The following LTN1 variants were observed in gnomAD, a reference collection of about 807,000 sequenced individuals.
LTN1 encodes listerin E3 ubiquitin protein ligase 1.
A neutral mutation model predicts 201.2 loss-of-function variants in LTN1; 88 were observed. The ratio of observed to expected loss-of-function variants is 0.44; its 90% CI spans 0.37 to 0.52. The LOEUF is 0.52. Ranked by LOEUF, LTN1 falls within the 20% of genes least tolerant of loss-of-function variation. LTN1 has a pLI of 0.00. For synonymous variants in LTN1, 645 were observed against 713.5 expected, an observed-to-expected ratio of 0.90 and a Z score of 1.53; for missense variants, 1,752 against 2,038.7, an observed-to-expected ratio of 0.86 and a Z score of 2.71.
intron 1 of LTN1, among the ~76,000 whole-genome samples, chr21:28,987,378 C>T (rs944109158): frequency 2.0e-5 from 3 of 152,104 alleles, no homozygotes; most frequent in Admixed American, 1.3e-4. Flanking sequence ...AAAATGAACT[C>T]ATAAATAGAA....
intron 6 of LTN1, 102 bp from the exon 7 acceptor site, chr21:28,971,546 G>A (rs2084575244): frequency 1.0e-6 from 1 of 1,000,220 alleles, no homozygotes; most frequent in African/African-American, 1.6e-5. Context: ...CTCCCACTAA[G>A]AAAACTAAAA....
intron 29 of LTN1, 89 bp downstream of exon 29, chr21:28,931,066 G>GGTGT (rs10608923): frequency 0.01 from 5,900 of 578,192 alleles, 91 homozygotes; most frequent in African/African-American, 0.067. Context: ...ACATTGTGTA[G>GGTGT]GTGTGTGTGT....
intron 18 of LTN1, among the ~76,000 whole-genome samples, chr21:28,950,710 C>T (rs1009515879): frequency 2.6e-5 from 4 of 152,186 alleles, no homozygotes; most frequent in East Asian, 3.9e-4. Context: ...AGAGATGTTT[C>T]GCCATGTTGC....
intron 18 of LTN1, 42 bp downstream of exon 18, chr21:28,952,118 T>C: frequency 2.4e-6 from 3 of 1,225,040 alleles, no homozygotes; most frequent in African/African-American, 1.5e-5. Context: ...AAGTGACCGA[T>C]TACAGTAAAC....
At chr21:28,948,065 A>G (rs141183276) in intron 18 of LTN1, among the ~76,000 whole-genome samples, 38,495 of 145,402 alleles carry the variant, frequency 0.26, 5,377 homozygotes, top group Middle Eastern at 0.31. Flanking sequence ...GGTGGCAGGC[A>G]CCTGTAATCC....
intron 25 of LTN1, 71 bp from the exon 26 acceptor site, chr21:28,936,768 A>C (rs1344912872): frequency 2.5e-6 from 3 of 1,186,934 alleles, no homozygotes; most frequent in Non-Finnish European, 3.6e-6. Flanking sequence ...AACAACTCAA[A>C]GTGTAACAAA....
intron 29 of LTN1, 78 bp downstream of exon 29, chr21:28,931,074 TGTG>T: frequency 1.4e-6 from 1 of 705,028 alleles, no homozygotes; most frequent in South Asian, 2.0e-5. Context: ...TAGGTGTGTG[TGTG>T]TGTGTGTGTG....
intron 27 of LTN1, among the ~76,000 whole-genome samples, chr21:28,933,613 G>A (rs1272279644): frequency 2.0e-5 from 3 of 151,590 alleles, no homozygotes; most frequent in African/African-American, 4.9e-5. Context: ...CCTGGGCAAC[G>A]ACTGAAATGA....
In LTN1 at chr21:28,986,538, C is replaced by A. The variant is rs2146318746; in HGVS notation, c.246+193G>T. The stretch of plus-strand genomic sequence containing the variant: ...AATTCCAAAGCACTTTAAAAAAGTT[C>A]ACTGTAACAAACTAATTTACGACCT... On this transcript the variant is annotated intron_variant, in intron 2 of 29. Coordinates refer to ENST00000361371, the MANE Select transcript of LTN1 (RefSeq NM_015565.3). This position sits in a 1 kb window ranked among gnomAD's most constrained non-coding sequence, Gnocchi z 4.1. The A allele has an allele frequency of 3.1e-6, 2 of 654,216 alleles. No individual in the cohort carries two copies. Among genetic ancestry groups the A allele is most frequent in the Middle Eastern group, 3.4e-4 (1 of 2,912 alleles). The allele number at this position is 654,216 out of a possible 1,614,324, so 40.5% of individuals were successfully genotyped here.
intron 1 of LTN1, among the ~76,000 whole-genome samples, chr21:28,991,013 T>C (rs1444090572): frequency 1.3e-5 from 2 of 152,086 alleles, no homozygotes; most frequent in Non-Finnish European, 2.9e-5. Flanking sequence ...GGCCTGTACC[T>C]GTAGTCCTAG....
chr21:28,958,684 A>G (rs1266852891), intron 13 of LTN1, 145 bp from the exon 14 acceptor site: 1 of 564,676 alleles, frequency 1.8e-6, no homozygotes, highest in African/African-American at 2.0e-5. Flanking sequence ...TCAAAATTCA[A>G]TTGCCAAACA....
chr21:28,936,276 T>A (rs557062701), intron 26 of LTN1, among the ~76,000 whole-genome samples: 1 of 152,340 alleles, frequency 6.6e-6, no homozygotes, highest in Non-Finnish European at 1.5e-5. Flanking sequence ...TAAGAAATAT[T>A]TGTTTACAGA....
At chr21:28,933,635 C>A (rs1354749597) in intron 27 of LTN1, among the ~76,000 whole-genome samples, 1 of 150,808 alleles carries the variant, frequency 6.6e-6, no homozygotes, top group Non-Finnish European at 1.5e-5. Flanking sequence ...ATTCTCACTT[C>A]TATGCTTTTT....
At chr21:28,957,270 T>C in intron 15 of LTN1, 62 bp downstream of exon 15, 1 of 1,426,332 alleles carries the variant, frequency 7.0e-7, no homozygotes, top group South Asian at 1.4e-5. Flanking sequence ...AATAAAAATA[T>C]TCAAGCTTGC....
At chr21:28,961,118 TTG>T (rs2084475533) in intron 11 of LTN1, among the ~76,000 whole-genome samples, 1 of 152,182 alleles carries the variant, frequency 6.6e-6, no homozygotes, top group South Asian at 2.1e-4. Flanking sequence ...TGTGTATATC[TTG>T]TCTTTCCAAT....
At chr21:28,984,241 A>C (rs1639127922) in intron 4 of LTN1, among the ~76,000 whole-genome samples, 1 of 152,164 alleles carries the variant, frequency 6.6e-6, no homozygotes, top group African/African-American at 2.4e-5. Flanking sequence ...AAAAAAATCC[A>C]AATGTATATT....
intron 7 of LTN1, among the ~76,000 whole-genome samples, 187 bp downstream of exon 7, chr21:28,971,084 G>A (rs1473831368): frequency 6.6e-6 from 1 of 151,990 alleles, no homozygotes; most frequent in Non-Finnish European, 1.5e-5. Flanking sequence ...GGACACATAA[G>A]GTTTAAAGAA....
intron 22 of LTN1, 78 bp from the exon 23 acceptor site, chr21:28,943,982 T>TTTAA (rs141049375): frequency 0.29 from 255,290 of 889,256 alleles, 39,644 homozygotes; most frequent in South Asian, 0.32. Context: ...AACAATCAAA[T>TTTAA]GTCATTTAAG....
rs544669072 is a variant in LTN1 at position 28,941,271 on chromosome 21, G to A, written c.4431C>T (p.Tyr1477=). The change falls in exon 25 of 30, where the codon TAC becomes TAT. Residue 1477 remains tyrosine, a synonymous_variant. Coordinates refer to ENST00000361371, the MANE Select transcript of LTN1 (RefSeq NM_015565.3). ...TTAGTATTAATTTCCAAGTGAGAAGGTATCCCAGAACATAACAGAAGTCTT... is the reference window on the plus strand; with the variant it reads ...TTAGTATTAATTTCCAAGTGAGAAGATATCCCAGAACATAACAGAAGTCTT... The part of the protein sequence containing the change: ...LSEDFCYVLG[Y]LLTWKLILTF... 73 of 1,612,284 alleles carry A rather than the reference G, an allele frequency of 4.5e-5. No individual in the cohort carries two copies. In the South Asian group the frequency reaches 7.4e-4, roughly 16 times the overall value.
Sources: allele counts gnomAD v4.1 joint callset (sites outside exome capture counted in the v4.1 genomes callset), GRCh38; gene constraint gnomAD v4.1.1; non-coding constraint Gnocchi (gnomAD v3.1); transcripts MANE v1.5; gene names NCBI Gene and HGNC (gene_info 2026-07-23, HGNC 2026-07-21).